The following RP1 variants were observed in gnomAD, a reference collection of about 807,000 sequenced individuals.
The protein encoded by RP1 is RP1 axonemal microtubule associated.
RP1 carries 16 observed loss-of-function variants against 14.8 expected under a neutral mutation model. The observed-to-expected ratio is 1.08, with a 90% confidence interval of 0.73 to 1.65. The LOEUF (loss-of-function observed/expected upper bound fraction) is 1.65, where lower values mean the gene tolerates loss of function less well. Ranked by LOEUF, RP1 falls within the 40% of genes most tolerant of loss-of-function variation. The pLI, the probability that RP1 is intolerant of heterozygous loss-of-function variation, is 0.00. For synonymous variants in RP1, 876 were observed against 883.6 expected, an observed-to-expected ratio of 0.99 and a Z score of 0.15; for missense variants, 2,631 against 2,535.0, an observed-to-expected ratio of 1.04 and a Z score of -0.81.
downstream of RP1, among the ~76,000 whole-genome samples, chr8:54,772,590 C>T (rs1430353856): frequency 6.6e-6 from 1 of 152,108 alleles, no homozygotes; most frequent in Non-Finnish European, 1.5e-5. Context: ...TATATTTCAT[C>T]CTCCAGTAAC....
intron 19 of RP1, among the ~76,000 whole-genome samples, chr8:54,751,859 G>A (rs1376604159): frequency 2.0e-5 from 3 of 152,136 alleles, no homozygotes; most frequent in Admixed American, 6.5e-5. Context: ...GAAGGTAAAC[G>A]GAACTCACTT....
At chr8:54,602,172 G>A (rs1805307453) in intron 1 of RP1, among the ~76,000 whole-genome samples, 1 of 152,170 alleles carries the variant, frequency 6.6e-6, no homozygotes, top group South Asian at 2.1e-4. Flanking sequence ...ATCTCCCAGT[G>A]CTATCCCTCC....
intron 1 of RP1, among the ~76,000 whole-genome samples, chr8:54,568,837 A>G (rs1232409471): frequency 2.0e-5 from 3 of 152,230 alleles, no homozygotes; most frequent in Non-Finnish European, 4.4e-5. Flanking sequence ...CAGTTCCCTC[A>G]TGAATTTGGA....
intron 22 of RP1, among the ~76,000 whole-genome samples, chr8:54,760,543 C>T (rs1376115612): frequency 2.0e-5 from 3 of 152,152 alleles, no homozygotes; most frequent in African/African-American, 7.2e-5. Flanking sequence ...AATCACATCA[C>T]TCTCCTGTTT....
exon 15 of RP1, chr8:54,706,538 C>A (rs565419982): frequency 6.5e-7 from 1 of 1,535,916 alleles, no homozygotes; most frequent in East Asian, 2.4e-5. Flanking sequence ...GAGTGGGAAG[C>A]CAGTCTGAAA....
At position 54,597,804 on chromosome 8, in the gene RP1, G is replaced by A. The variant is rs145497949; in HGVS notation, c.-12-23151G>A. Among the ~76,000 whole-genome samples, 547 of 152,222 alleles carry A rather than the reference G, an allele frequency of 3.6e-3. 4 individuals carry two copies. Among genetic ancestry groups the A allele is most frequent in the African/African-American group, 0.012 (517 of 41,540 alleles). ...ATAGTCAAGTCTATAAAGCCTAGAA[G>A]ATAGATTAGTGGTTGCTTTGGGCTG... On this transcript the variant is annotated intron_variant, in intron 1 of 22. Coordinates refer to the RP1 transcript ENST00000636932.
chr8:54,857,339 A>G (rs1812228864), intron 27 of RP1, among the ~76,000 whole-genome samples: 3 of 147,606 alleles, frequency 2.0e-5, no homozygotes, highest in African/African-American at 4.9e-5. Context: ...TATAGAATAT[A>G]TATTTATAAA....
At chr8:54,686,388 G>A in intron 12 of RP1, among the ~76,000 whole-genome samples, 1 of 147,768 alleles carries the variant, frequency 6.8e-6, no homozygotes, top group Non-Finnish European at 1.5e-5. Flanking sequence ...TCCAGAAAAA[G>A]TTTTTTTTTT....
chr8:54,837,586 A>T lies in RP1; in HGVS notation c.3752A>T (p.Asp1251Val), dbSNP rs549004453. Residue 1251 changes from aspartate to valine, a missense_variant, in exon 25 of 29, where the codon GAT becomes GTT. Transcript: ENST00000637698. ...TATGAGCTATTTTGTTTACCTGTTG[A>T]TTCCTGGATAGCTGAGAATGAAAAT... 5.0e-5 allele frequency: 62 copies of T among 1,232,046 alleles called. No homozygotes were observed. The South Asian group carries it at 2.4e-3, about 48-fold the overall frequency. 76.3% of individuals were successfully genotyped at this position (1,232,046 alleles called of 1,614,324 possible).
At chr8:54,833,767 TA>T (rs1379942756) in intron 24 of RP1, among the ~76,000 whole-genome samples, 1 of 151,964 alleles carries the variant, frequency 6.6e-6, no homozygotes, top group Non-Finnish European at 1.5e-5. Flanking sequence ...ATTGTTAAAT[TA>T]AAAAAATACA....
chr8:54,721,367 C>T (rs910644059), intron 16 of RP1, among the ~76,000 whole-genome samples: 2 of 152,164 alleles, frequency 1.3e-5, no homozygotes, highest in Non-Finnish European at 2.9e-5. Flanking sequence ...AAACAGGTGA[C>T]TTCAAAGCTA....
At chr8:54,618,477 A>C (rs1407041097) in intron 1 of RP1, among the ~76,000 whole-genome samples, 1 of 152,206 alleles carries the variant, frequency 6.6e-6, no homozygotes, top group East Asian at 1.9e-4. Context: ...AGATTCAGGC[A>C]TTTAAAAAGT....
At chr8:54,783,731 A>T (rs1391162865) in intron 24 of RP1, 1 of 1,218,238 alleles carries the variant, frequency 8.2e-7, no homozygotes, top group Non-Finnish European at 1.0e-6. Flanking sequence ...TACAGCTATA[A>T]CTTGTTTGCT....
intron 5 of RP1, among the ~76,000 whole-genome samples, chr8:54,655,851 CAAATAAAT>C (rs3048820): frequency 9.3e-5 from 14 of 150,266 alleles, no homozygotes; most frequent in Admixed American, 2.0e-4. Context: ...GACTTTGTCT[CAAATAAAT>C]AAATAAATAA....
exon 29 of RP1, chr8:54,869,953 T>C: frequency 8.5e-7 from 1 of 1,177,144 alleles, no homozygotes; most frequent in Non-Finnish European, 1.1e-6. Context: ...AAGGGCCCAC[T>C]TGGGCCTGTC....
At chr8:54,697,020 CT>C in intron 12 of RP1, 1 of 1,440,174 alleles carries the variant, frequency 6.9e-7, no homozygotes, top group Non-Finnish European at 9.6e-7. Flanking sequence ...TTCTTGCACC[CT>C]TTCCACCTTT....
At position 54,626,798 on chromosome 8, in the gene RP1, TA is replaced by T. The variant is rs2129316919; in HGVS notation, c.2918del (p.Lys973SerfsTer3). The part of the protein sequence containing the change: ...KISNFVMESN[K>X]HITKIAGLTG... ...TAAGTAATTTTGTTATGGAAAGTAA[TA>T]AGCACATAACTAAAATTGCCGGTTT... is the stretch of plus-strand genomic sequence containing the variant. On this transcript the variant is annotated frameshift_variant, in exon 4 of 4. Coordinates refer to ENST00000220676, the MANE Select transcript of RP1 (RefSeq NM_006269.2). LOFTEE classifies it low-confidence loss of function (END_TRUNC). 1 of 1,613,794 alleles carries T rather than the reference TA, an allele frequency of 6.2e-7. No individual in the cohort carries two copies.
chr8:54,601,532 G>A (rs201772979), intron 1 of RP1, among the ~76,000 whole-genome samples: 2 of 146,826 alleles, frequency 1.4e-5, no homozygotes, highest in African/African-American at 2.6e-5. Context: ...TGTAACTAAC[G>A]TGCACATTGT....
intron 15 of RP1, among the ~76,000 whole-genome samples, chr8:54,707,993 T>A (rs2129345657): frequency 6.6e-6 from 1 of 152,330 alleles, no homozygotes; most frequent in East Asian, 1.9e-4. Context: ...CTAGACTAGT[T>A]AGAAGTACAA....
Sources: gnomAD v4.1 joint callset for allele counts (sites outside exome capture counted in the v4.1 genomes callset) on GRCh38, gnomAD v4.1.1 for gene constraint, MANE v1.5 for transcripts, NCBI Gene and HGNC (gene_info 2026-07-23, HGNC 2026-07-21) for gene names.